GLP2R: variants seen among roughly 807,000 people sequenced by gnomAD.
GLP2R encodes glucagon like peptide 2 receptor, also known as glucagon-like peptide 2 receptor.
A neutral mutation model predicts 68.2 loss-of-function variants in GLP2R; 59 were observed. The observed-to-expected ratio is 0.87, with a 90% CI of 0.70 to 1.07. GLP2R has a LOEUF of 1.07. Ranked by LOEUF, GLP2R falls within the 50% of genes least tolerant of loss-of-function variation. The pLI is 0.00. For missense variants in GLP2R, 548 were observed against 677.4 expected, an observed-to-expected ratio of 0.81 and a Z score of 2.12; for synonymous variants, 270 against 265.4, an observed-to-expected ratio of 1.02 and a Z score of -0.17.
At chr17:9,882,649 G>T (rs114857049) in intron 11 of GLP2R, among the ~76,000 whole-genome samples, 2,253 of 152,316 alleles carry the variant, frequency 0.015, 69 homozygotes, top group African/African-American at 0.052. Flanking sequence ...TTGGCAAAGG[G>T]TATGGAAGTC....
At chr17:9,846,552 G>T (rs1862562287) in intron 4 of GLP2R, among the ~76,000 whole-genome samples, 1 of 152,160 alleles carries the variant, frequency 6.6e-6, no homozygotes, top group Admixed American at 6.5e-5. Context: ...CCAGGAGGTT[G>T]AGACTGTAAT....
intron 9 of GLP2R, among the ~76,000 whole-genome samples, chr17:9,869,296 A>T (rs1008881797): frequency 1.3e-5 from 2 of 152,200 alleles, no homozygotes; most frequent in African/African-American, 4.8e-5. Context: ...TACAAATCTG[A>T]TCAGGTCACT....
chr17:9,861,604 G>T (rs531548358), intron 8 of GLP2R, among the ~76,000 whole-genome samples: 4 of 151,920 alleles, frequency 2.6e-5, no homozygotes, highest in African/African-American at 7.2e-5. Context: ...ACTACTTAAA[G>T]AAAAGCAAGT....
chr17:9,885,475 C>T (rs930412386), intron 11 of GLP2R, among the ~76,000 whole-genome samples: 3 of 151,996 alleles, frequency 2.0e-5, no homozygotes, highest in Non-Finnish European at 4.4e-5. Context: ...ATTGGAGTGG[C>T]ACATCCAAGA....
Position 9,857,124 on chromosome 17 carries a change from G to A in GLP2R, c.612-299G>A, listed in dbSNP as rs570448217. 1.9e-3 allele frequency among the ~76,000 whole-genome samples: 293 copies of A among 152,256 alleles called. 1 individual carries two copies. The highest frequency in any genetic ancestry group is 3.2e-3 in the Non-Finnish European group (221 of 68,016). On this transcript the variant is annotated intron_variant, in intron 5 of 12. Transcript: ENST00000262441. ...ATTAGTAGAGGTGGGGTTTCACCAT[G>A]TTGGCCAGGGTGGTCTCGATCTCCT...
At chr17:9,827,018 C>T (rs769273335) in intron 1 of GLP2R, among the ~76,000 whole-genome samples, 33 of 152,066 alleles carry the variant, frequency 2.2e-4, no homozygotes, top group Non-Finnish European at 3.8e-4. Context: ...ATTACAGGTA[C>T]GTGCCACCAC....
chr17:9,884,304 C>T (rs925851634), intron 11 of GLP2R, among the ~76,000 whole-genome samples: 2 of 152,124 alleles, frequency 1.3e-5, no homozygotes, highest in African/African-American at 4.8e-5. Context: ...ATAATTTCAG[C>T]CTCATGGGAT....
chr17:9,881,580 C>T (rs1438848889), intron 11 of GLP2R, among the ~76,000 whole-genome samples: 1 of 148,292 alleles, frequency 6.7e-6, no homozygotes, highest in Non-Finnish European at 1.5e-5. Context: ...CGGGGTTTCA[C>T]CGTTTTAGCC....
rs371764871 is a variant in GLP2R, at chr17:9,839,379, AG to A, written c.382+2906del. On this transcript the variant is annotated intron_variant, in intron 3 of 12. Transcript: ENST00000262441. The stretch of plus-strand genomic sequence containing the variant: ...CAGGGAGGAGTAGAAAATGGAGGAG[AG>A]GAAAACAAACTCCTCTTCCTTCTCC... Among the ~76,000 whole-genome samples the A allele has an allele frequency of 2.6e-4, 40 of 152,032 alleles. No individual in the cohort carries two copies. The East Asian group carries it at 6.2e-3, about 24-fold the overall frequency.
chr17:9,832,788 C>T (rs2066692394), intron 1 of GLP2R, among the ~76,000 whole-genome samples: 1 of 152,226 alleles, frequency 6.6e-6, no homozygotes, highest in South Asian at 2.1e-4. Flanking sequence ...TACAGGTACA[C>T]AACTAGAAGC....
intron 9 of GLP2R, among the ~76,000 whole-genome samples, chr17:9,869,689 T>C (rs773555742): frequency 8.6e-5 from 13 of 152,030 alleles, no homozygotes; most frequent in Non-Finnish European, 1.6e-4. Flanking sequence ...TTGAGTGTCT[T>C]CACAAAATGG....
intron 4 of GLP2R, among the ~76,000 whole-genome samples, chr17:9,849,298 A>G (rs2066870402): frequency 6.6e-6 from 1 of 152,072 alleles, no homozygotes; most frequent in Admixed American, 6.6e-5. Flanking sequence ...TTCAAAACTA[A>G]TTTGTAGACA....
At chr17:9,873,378 T>C (rs2067113274) in intron 10 of GLP2R, among the ~76,000 whole-genome samples, 1 of 151,894 alleles carries the variant, frequency 6.6e-6, no homozygotes, top group African/African-American at 2.4e-5. Context: ...TCATCATAGC[T>C]CCTCATCAGC....
chr17:9,870,618 G>A (rs2067083241), intron 9 of GLP2R, 129 bp from the exon 10 acceptor site: 4 of 686,560 alleles, frequency 5.8e-6, no homozygotes, highest in Non-Finnish European at 1.1e-5. Flanking sequence ...TACCTGGCCA[G>A]CTAACTGCTG....
intron 9 of GLP2R, among the ~76,000 whole-genome samples, chr17:9,867,276 G>A (rs1878256534): frequency 6.6e-6 from 1 of 152,204 alleles, no homozygotes; most frequent in Admixed American, 6.5e-5. Context: ...TATCACAGTT[G>A]GATCTCTCCC....
chr17:9,857,509 T>G lies in GLP2R; in HGVS notation c.698T>G (p.Val233Gly), dbSNP rs2066944950. The G allele has an allele frequency of 3.7e-6, 6 of 1,614,102 alleles. No homozygotes were observed. The East Asian group carries it at 1.3e-4, about 36-fold the overall frequency. The change falls in exon 6 of 13, where the codon GTC becomes GGC. Residue 233 changes from valine to glycine, a missense_variant. Val to Gly is a moderately radical substitution (Grantham distance 109, BLOSUM62 -3). Coordinates refer to ENST00000262441, the MANE Select transcript of GLP2R (RefSeq NM_004246.3). ...LRTLAVLVKD[V>G]VFYNSYSKRP... ...ACCCTGGCTGTACTGGTGAAGGACGTCGTCTTCTACAACTCTTACTCCAAG... is the reference window on the plus strand; with the variant it reads ...ACCCTGGCTGTACTGGTGAAGGACGGCGTCTTCTACAACTCTTACTCCAAG...
chr17:9,855,921 G>T (rs1361024368), intron 5 of GLP2R, among the ~76,000 whole-genome samples: 2 of 152,158 alleles, frequency 1.3e-5, no homozygotes, highest in Non-Finnish European at 2.9e-5. Flanking sequence ...CCACTAGAAA[G>T]CTCTCCAAAG....
intron 9 of GLP2R, among the ~76,000 whole-genome samples, chr17:9,868,795 T>G (rs2067064856): frequency 6.6e-6 from 1 of 152,204 alleles, no homozygotes; most frequent in Admixed American, 6.5e-5. Flanking sequence ...TTATAACCTT[T>G]CATTGCCTAG....
At chr17:9,889,325 TAA>T (rs748567185) in intron 12 of GLP2R, 43 bp from the exon 13 acceptor site, 8 of 1,355,760 alleles carry the variant, frequency 5.9e-6, no homozygotes, top group Non-Finnish European at 8.3e-6. Context: ...GACACATGGC[TAA>T]ATGACTCCAA....
Sources: allele counts gnomAD v4.1 joint callset (sites outside exome capture counted in the v4.1 genomes callset), GRCh38; gene constraint gnomAD v4.1.1; transcripts MANE v1.5; gene names NCBI Gene and HGNC (gene_info 2026-07-23, HGNC 2026-07-21).